Variants in LY75 observed in about 807,000 individuals in gnomAD.
The protein encoded by LY75 is lymphocyte antigen 75.
Under a neutral mutation model 231.7 loss-of-function variants are expected in LY75, and 185 were observed. The observed-to-expected ratio is 0.80, with a 90% CI of 0.71 to 0.90. The LOEUF (loss-of-function observed/expected upper bound fraction) is 0.90, where lower values mean the gene tolerates loss of function less well. Among genes scored for constraint, LY75 ranks in the 40% least tolerant of loss-of-function variants. The probability of loss-of-function intolerance (pLI) is 0.00; values close to 1 mark genes in which losing one functional copy is unlikely to be tolerated. For synonymous variants in LY75, 668 were observed against 689.0 expected (o/e 0.97, Z 0.48); for missense variants, 1,947 against 2,050.2 (o/e 0.95, Z 0.97).
chr2:159,887,621 G>A (rs1685635948), intron 4 of LY75, among the ~76,000 whole-genome samples: 1 of 150,964 alleles, frequency 6.6e-6, no homozygotes. Flanking sequence ...GAGTTTTAGA[G>A]GTTAAAACAC....
At chr2:159,872,321 C>CA in intron 13 of LY75, 130 bp downstream of exon 13, 1 of 1,223,670 alleles carries the variant, frequency 8.2e-7, no homozygotes, top group Non-Finnish European at 1.1e-6. Context: ...TGCTAAGCAC[C>CA]AAATGACCTT....
intron 16 of LY75, among the ~76,000 whole-genome samples, chr2:159,856,741 AT>A (rs1684559370): frequency 6.6e-6 from 1 of 152,122 alleles, no homozygotes; most frequent in African/African-American, 2.4e-5. Context: ...CGATTAATTG[AT>A]TTATATTTTT....
At chr2:159,889,648 GT>G (rs1472384582) in intron 4 of LY75, among the ~76,000 whole-genome samples, 1 of 152,014 alleles carries the variant, frequency 6.6e-6, no homozygotes, top group African/African-American at 2.4e-5. Context: ...GTCTTTTAAA[GT>G]TTTTATTTAT....
intron 28 of LY75, among the ~76,000 whole-genome samples, chr2:159,824,023 T>C (rs1006336379): frequency 6.6e-6 from 1 of 152,156 alleles, no homozygotes; most frequent in Non-Finnish European, 1.5e-5. Context: ...ATTCACACTA[T>C]GAAGAAACTG....
chr2:159,805,546 C>T (rs1682767135), intron 34 of LY75, among the ~76,000 whole-genome samples: 1 of 152,164 alleles, frequency 6.6e-6, no homozygotes, highest in Admixed American at 6.5e-5. Flanking sequence ...AACATCACTA[C>T]TTGTATATTA....
intron 23 of LY75, among the ~76,000 whole-genome samples, chr2:159,843,587 G>C (rs1405506828): frequency 1.3e-5 from 2 of 151,608 alleles, no homozygotes; most frequent in African/African-American, 4.8e-5. Flanking sequence ...TAATGCAACA[G>C]AATTAGAGCT....
intron 25 of LY75, among the ~76,000 whole-genome samples, chr2:159,838,800 A>ATTT (rs1683915085): frequency 6.6e-6 from 1 of 151,868 alleles, no homozygotes; most frequent in African/African-American, 2.4e-5. Flanking sequence ...TTAATTAATT[A>ATTT]ATTTTTTTAT....
At chr2:159,875,015 AAT>A (rs986806959) in intron 12 of LY75, among the ~76,000 whole-genome samples, 53 of 143,568 alleles carry the variant, frequency 3.7e-4, no homozygotes, top group African/African-American at 1.0e-3. Context: ...TGTATATATA[AAT>A]ATATATATTT....
chr2:159,885,327 G>T (rs756128022), intron 5 of LY75, 34 bp from the exon 6 acceptor site: 1 of 1,599,138 alleles, frequency 6.3e-7, no homozygotes, highest in South Asian at 1.1e-5. Context: ...GCATTAGAAT[G>T]AGAAAGTTAG....
At chr2:159,808,804 C>T (rs1682866951) in intron 32 of LY75, among the ~76,000 whole-genome samples, 1 of 152,262 alleles carries the variant, frequency 6.6e-6, no homozygotes, top group South Asian at 2.1e-4. Context: ...AAATATTTAT[C>T]TGGCAATATT....
At chr2:159,886,952 C>T (rs62176692) in intron 4 of LY75, among the ~76,000 whole-genome samples, 58,208 of 151,560 alleles carry the variant, frequency 0.38, 14,123 homozygotes, top group Non-Finnish European at 0.54. Flanking sequence ...ATATTATTTG[C>T]CAGGTTCTAG....
In LY75 at chr2:159,854,413, C is replaced by T; in HGVS notation, c.2542G>A (p.Ala848Thr). 1 of 1,552,640 alleles carries T rather than the reference C, an allele frequency of 6.4e-7. No homozygotes were observed. The highest frequency in any genetic ancestry group is 8.7e-7 in the Non-Finnish European group (1 of 1,143,092). Residue 848 changes from alanine (A) to threonine (T), a missense_variant, in exon 18 of 35, where the codon GCA (alanine) becomes ACA (threonine). Physicochemically the swap from Ala to Thr is moderately conservative, Grantham distance 58 (BLOSUM62 0). Transcript: ENST00000263636. Reference sequence around the variant, plus strand: ...AGTCCCACAAAAGATGTTATAGTTGCAAGAAAGCTGTGATTGCTGGCACAG... The same window carrying T: ...AGTCCCACAAAAGATGTTATAGTTGTAAGAAAGCTGTGATTGCTGGCACAG... ...LYCASNHSFL[A>T]TITSFVGLKA...
At chr2:159,831,648 A>G (rs1574538660) in intron 28 of LY75, 22 bp downstream of exon 28, 1 of 1,606,168 alleles carries the variant, frequency 6.2e-7, no homozygotes, top group Non-Finnish European at 8.5e-7. Flanking sequence ...AAATAGAGAA[A>G]GTTGGCAGAT....
intron 28 of LY75, among the ~76,000 whole-genome samples, chr2:159,830,313 T>G (rs1240661576): frequency 2.0e-5 from 3 of 152,176 alleles, no homozygotes; most frequent in Non-Finnish European, 4.4e-5. Flanking sequence ...ATCATTGTCC[T>G]GTGCCCCTTA....
rs781311854 is a variant in LY75, at chr2:159,878,719, G to A, written c.1518C>T (p.Gly506=). 1 of 1,613,766 alleles carries A rather than the reference G, an allele frequency of 6.2e-7. No individual in the cohort carries two copies. Among genetic ancestry groups the A allele is most frequent in the Non-Finnish European group, 8.5e-7 (1 of 1,179,834 alleles). Residue 506 remains glycine (G), a splice_region_variant and synonymous_variant, in exon 10 of 35, where the codon GGC becomes GGT. Coordinates refer to ENST00000263636, the MANE Select transcript of LY75 (RefSeq NM_002349.4). ...SSDKMCPPDE[G]WKRHGETCYK... is the part of the protein sequence containing the mutation. ...AACAGGTTTCTCCATGTCTCTTCCA[G>A]CCCTAAGTCAGAGGAAAAATATTGT...
chr2:159,902,643 T>C (rs1020658221), intron 1 of LY75: 5 of 152,362 alleles, frequency 3.3e-5, no homozygotes, highest in African/African-American at 1.2e-4. Context: ...TTGTAGAGTC[T>C]CTACCATGTG....
intron 32 of LY75, among the ~76,000 whole-genome samples, chr2:159,809,138 A>G (rs1244824869): frequency 1.3e-5 from 2 of 152,210 alleles, no homozygotes; most frequent in South Asian, 2.1e-4. Context: ...AGATTTTTCA[A>G]TCAGTCAAGT....
At chr2:159,891,895 C>T (rs1685771088) in intron 3 of LY75, among the ~76,000 whole-genome samples, 1 of 152,194 alleles carries the variant, frequency 6.6e-6, no homozygotes, top group African/African-American at 2.4e-5. Flanking sequence ...ATTTCTGATC[C>T]AAATGATAAG....
chr2:159,814,525 T>G (rs1683057621), intron 31 of LY75, among the ~76,000 whole-genome samples: 1 of 151,180 alleles, frequency 6.6e-6, no homozygotes, highest in South Asian at 2.1e-4. Flanking sequence ...TGTGGTGGCA[T>G]GTGTATGTGG....
Sources: gnomAD v4.1 joint callset for allele counts (sites outside exome capture counted in the v4.1 genomes callset) on GRCh38, gnomAD v4.1.1 for gene constraint, MANE v1.5 for transcripts, NCBI Gene and HGNC (gene_info 2026-07-23, HGNC 2026-07-21) for gene names.